The following CNTNAP5 variants were observed in gnomAD, a reference collection of about 807,000 sequenced individuals.
CNTNAP5 encodes the protein contactin-associated protein-like 5.
A neutral mutation model predicts 150.2 loss-of-function variants in CNTNAP5; 72 were observed. That is an observed-to-expected ratio of 0.48 (90% CI 0.40 to 0.58). The LOEUF (loss-of-function observed/expected upper bound fraction) is 0.58. CNTNAP5 is among the 20% of genes least tolerant of loss of function. CNTNAP5 has a pLI of 0.00. For missense variants in CNTNAP5, 1,636 were observed against 1,626.2 expected (o/e 1.01, Z -0.10); for synonymous variants, 672 against 619.8 (o/e 1.08, Z -1.25).
intron 10 of CNTNAP5, among the ~76,000 whole-genome samples, chr2:124,562,298 A>G (rs1386251049): frequency 1.3e-5 from 2 of 152,110 alleles, no homozygotes; most frequent in Non-Finnish European, 1.5e-5. Flanking sequence ...ATCTATTATA[A>G]TCATGTTTGT....
chr2:124,383,325 T>C (rs1690848305), intron 3 of CNTNAP5, among the ~76,000 whole-genome samples: 1 of 152,108 alleles, frequency 6.6e-6, no homozygotes, highest in Admixed American at 6.6e-5. Flanking sequence ...AAAACCGAGG[T>C]CTTGAAAGTT....
chr2:124,690,926 G>A (rs1435283607), intron 13 of CNTNAP5, among the ~76,000 whole-genome samples: 4 of 151,988 alleles, frequency 2.6e-5, no homozygotes, highest in Non-Finnish European at 1.5e-5. Context: ...TTACCCTCAA[G>A]GTTTGCAGAA....
rs1297938964 is a variant in CNTNAP5, at chr2:124,860,482, TC to T, written c.3218-4822del. 3.4e-4 allele frequency among the ~76,000 whole-genome samples: 35 copies of T among 102,550 alleles called. 3 individuals carry two copies. The highest frequency in any genetic ancestry group is 1.9e-3 in the South Asian group (6 of 3,124). The allele number at this position is 102,550 out of a possible 152,430, so 67.3% of individuals were successfully genotyped here. A position where few individuals can be genotyped will look rare whatever the true frequency, so the allele number is the denominator to read the frequency against. On this transcript the variant is annotated intron_variant, in intron 19 of 23. Coordinates refer to ENST00000682447, the MANE Select transcript of CNTNAP5 (RefSeq NM_001367498.1). Reference sequence around the variant, plus strand: ...TTCCTTCCTTCCTTCCTTCCTTCCTTCCTTCCTTCCTTCCTTCCTTCTTTCC... The same window carrying T: ...TTCCTTCCTTCCTTCCTTCCTTCCTTCTTCCTTCCTTCCTTCCTTCTTTCC...
At chr2:124,743,361 G>A (rs1680538075) in intron 13 of CNTNAP5, among the ~76,000 whole-genome samples, 1 of 152,174 alleles carries the variant, frequency 6.6e-6, no homozygotes, top group Non-Finnish European at 1.5e-5. Flanking sequence ...CAGCAAAGAA[G>A]TCAGAATTTA....
intron 5 of CNTNAP5, among the ~76,000 whole-genome samples, chr2:124,439,260 G>T (rs1294818912): frequency 6.6e-6 from 1 of 152,070 alleles, no homozygotes; most frequent in Non-Finnish European, 1.5e-5. Flanking sequence ...CATAAATTCT[G>T]TCATTATGCA....
At chr2:124,576,422 T>C (rs966328309) in intron 11 of CNTNAP5, among the ~76,000 whole-genome samples, 1 of 152,142 alleles carries the variant, frequency 6.6e-6, no homozygotes, top group African/African-American at 2.4e-5. Context: ...TTTATTTCAT[T>C]ACTGCATGTT....
At chr2:124,701,051 C>A (rs1279740640) in intron 13 of CNTNAP5, among the ~76,000 whole-genome samples, 2 of 151,996 alleles carry the variant, frequency 1.3e-5, no homozygotes, top group Non-Finnish European at 2.9e-5. Flanking sequence ...GAATCCCATA[C>A]ACAGTACGCT....
At chr2:124,897,714 G>C (rs372784804) in intron 21 of CNTNAP5, among the ~76,000 whole-genome samples, 1 of 151,430 alleles carries the variant, frequency 6.6e-6, no homozygotes, top group African/African-American at 2.5e-5. Context: ...AGAAAAAAAA[G>C]GGTGGAGGGG....
At chr2:124,128,680 T>G (rs895020785) in intron 1 of CNTNAP5, among the ~76,000 whole-genome samples, 4 of 152,088 alleles carry the variant, frequency 2.6e-5, no homozygotes, top group Admixed American at 6.6e-5. Context: ...ATCAATGATA[T>G]ACTGGATTAA....
intron 1 of CNTNAP5, among the ~76,000 whole-genome samples, chr2:124,204,522 T>C (rs745909880): frequency 6.6e-6 from 1 of 152,210 alleles, no homozygotes; most frequent in Non-Finnish European, 1.5e-5. Context: ...TTTACTGTTT[T>C]AGTCCATTTT....
At chr2:124,207,624 C>G (rs1047867525) in intron 1 of CNTNAP5, among the ~76,000 whole-genome samples, 1 of 152,172 alleles carries the variant, frequency 6.6e-6, no homozygotes, top group African/African-American at 2.4e-5. Flanking sequence ...TTGAAATACA[C>G]CACTTTGTGT....
chr2:124,562,777 G>T (rs772135868), intron 10 of CNTNAP5, among the ~76,000 whole-genome samples: 1 of 151,956 alleles, frequency 6.6e-6, no homozygotes, highest in Non-Finnish European at 1.5e-5. Context: ...TAGATACCTG[G>T]TCATTCCCCA....
At chr2:124,435,814 C>T (rs1426924661) in intron 5 of CNTNAP5, among the ~76,000 whole-genome samples, 1 of 152,004 alleles carries the variant, frequency 6.6e-6, no homozygotes, top group Non-Finnish European at 1.5e-5. Context: ...TTCTTGGAGC[C>T]CCATGGTGAC....
intron 1 of CNTNAP5, among the ~76,000 whole-genome samples, chr2:124,052,315 A>G (rs141119818): frequency 6.6e-6 from 1 of 152,194 alleles, no homozygotes; most frequent in African/African-American, 2.4e-5. Context: ...TTCATCTGCA[A>G]ATGATAGTAA....
At chr2:124,284,979 A>G (rs1688111598) in intron 3 of CNTNAP5, among the ~76,000 whole-genome samples, 2 of 152,108 alleles carry the variant, frequency 1.3e-5, no homozygotes, top group Non-Finnish European at 2.9e-5. Flanking sequence ...GTGCAATGGC[A>G]TGATCATAGC....
intron 13 of CNTNAP5, among the ~76,000 whole-genome samples, chr2:124,662,483 A>C (rs4588196): frequency 0.29 from 44,192 of 152,148 alleles, 7,422 homozygotes; most frequent in Non-Finnish European, 0.38. Flanking sequence ...ATGACTGTAT[A>C]CATGTATTTA....
At chr2:124,277,978 G>C (rs1183692990) in intron 3 of CNTNAP5, among the ~76,000 whole-genome samples, 1 of 152,188 alleles carries the variant, frequency 6.6e-6, no homozygotes, top group Non-Finnish European at 1.5e-5. Context: ...AGAGGAAACA[G>C]CCACGTCATT....
At chr2:124,905,115 T>TG (rs1678506403) in intron 22 of CNTNAP5, among the ~76,000 whole-genome samples, 2 of 117,596 alleles carry the variant, frequency 1.7e-5, no homozygotes, top group African/African-American at 6.3e-5. Context: ...AGTTTTTTTT[T>TG]GTTTTTTTTT....
At chr2:124,764,598 TC>T (rs1681028851) in intron 16 of CNTNAP5, among the ~76,000 whole-genome samples, 1 of 152,150 alleles carries the variant, frequency 6.6e-6, no homozygotes. Flanking sequence ...CAATCAGAAT[TC>T]CCATGGTTTC....
Sources: allele counts gnomAD v4.1 joint callset (sites outside exome capture counted in the v4.1 genomes callset), GRCh38; gene constraint gnomAD v4.1.1; transcripts MANE v1.5; gene names NCBI Gene and HGNC (gene_info 2026-07-23, HGNC 2026-07-21).